TANGO6: variants seen among roughly 807,000 people sequenced by gnomAD.
The protein encoded by TANGO6 is transport and golgi organization 6 homolog.
A neutral mutation model predicts 114.2 loss-of-function variants in TANGO6; 90 were observed. That is an observed-to-expected ratio of 0.79 (90% CI 0.66 to 0.94). The LOEUF (loss-of-function observed/expected upper bound fraction) is 0.94. Among genes scored for constraint, TANGO6 ranks in the 40% least tolerant of loss-of-function variants. TANGO6 has a pLI of 0.00. For missense variants in TANGO6, 1,274 were observed against 1,315.3 expected, an observed-to-expected ratio of 0.97 and a Z score of 0.49; for synonymous variants, 477 against 509.8, an observed-to-expected ratio of 0.94 and a Z score of 0.87.
At chr16:68,874,297 G>A (rs1030707199) in intron 4 of TANGO6, among the ~76,000 whole-genome samples, 1 of 152,168 alleles carries the variant, frequency 6.6e-6, no homozygotes, top group African/African-American at 2.4e-5. Context: ...CATTTGGGCT[G>A]CTATTGTTAT....
rs533664293 is a variant in TANGO6, at chr16:68,987,461, T to C, written c.2842+13293T>C. Among the ~76,000 whole-genome samples, 310 of 152,254 alleles carry C rather than the reference T, an allele frequency of 2.0e-3. 2 individuals are homozygous for C. The highest frequency in any genetic ancestry group is 2.8e-3 in the Non-Finnish European group (192 of 68,020). On this transcript the variant is annotated intron_variant, in intron 15 of 17. Transcript: ENST00000261778. ...TCGGCTCACTGCAGCCTCTGCCTCC[T>C]GGATTCAAGCAATTCTCATGCCTCA...
chr16:69,051,611 A>T (rs941512616), intron 17 of TANGO6, among the ~76,000 whole-genome samples: 1 of 152,222 alleles, frequency 6.6e-6, no homozygotes, highest in Non-Finnish European at 1.5e-5. Flanking sequence ...TGAGGTCAGG[A>T]GGCAGAGGTT....
intron 17 of TANGO6, among the ~76,000 whole-genome samples, chr16:69,067,069 T>C (rs1960223528): frequency 6.6e-6 from 1 of 152,104 alleles, no homozygotes. Context: ...ACTAATTCTA[T>C]TATTTCTTGT....
At chr16:69,082,914 G>A (rs1457763462) in intron 17 of TANGO6, among the ~76,000 whole-genome samples, 1 of 151,990 alleles carries the variant, frequency 6.6e-6, no homozygotes, top group Non-Finnish European at 1.5e-5. Context: ...GCCATGCTTT[G>A]GGACTGAATA....
intron 15 of TANGO6, among the ~76,000 whole-genome samples, chr16:68,991,778 T>C (rs1053914368): frequency 5.3e-5 from 8 of 152,094 alleles, no homozygotes; most frequent in Non-Finnish European, 7.4e-5. Context: ...TGAGCCAAGA[T>C]CGTGCCACTG....
intron 1 of TANGO6, among the ~76,000 whole-genome samples, chr16:68,855,936 T>G (rs1319024663): frequency 6.6e-6 from 1 of 152,024 alleles, no homozygotes; most frequent in Non-Finnish European, 1.5e-5. Flanking sequence ...AAATATAAAA[T>G]AAAATGTCTT....
intron 3 of TANGO6, among the ~76,000 whole-genome samples, chr16:68,863,849 G>C (rs1204170101): frequency 6.6e-6 from 1 of 152,036 alleles, no homozygotes; most frequent in Non-Finnish European, 1.5e-5. Flanking sequence ...TTCTGCTAGG[G>C]ATAAGATAGT....
rs115929138 is a variant in TANGO6, at chr16:68,967,223, C to T, written c.2702-6805C>T. ...CATGGACGGGACGGTGTTGGGAGGG[C>T]GGGGATGGTTTCAGGATGAAACTGT... On this transcript the variant is annotated intron_variant, in intron 14 of 17. Coordinates refer to ENST00000261778, the MANE Select transcript of TANGO6 (RefSeq NM_024562.2). Among the ~76,000 whole-genome samples, 477 of 152,182 alleles carry T rather than the reference C, an allele frequency of 3.1e-3. 3 individuals carry two copies. The highest frequency in any genetic ancestry group is 0.011 in the African/African-American group (460 of 41,532).
chr16:69,009,104 G>A (rs574690492), intron 15 of TANGO6, among the ~76,000 whole-genome samples: 217 of 118,544 alleles, frequency 1.8e-3, no homozygotes, highest in Non-Finnish European at 2.9e-3. Flanking sequence ...TTTTTGAGAC[G>A]GAGTCTTGCT....
chr16:68,937,438 A>G (rs997385452), intron 14 of TANGO6: 4 of 152,186 alleles, frequency 2.6e-5, no homozygotes, highest in Non-Finnish European at 5.9e-5. Flanking sequence ...CAATTAAAAC[A>G]TGCAAGTCAG....
intron 1 of TANGO6, among the ~76,000 whole-genome samples, chr16:68,849,297 ACACTC>A (rs1961864623): frequency 6.6e-6 from 1 of 152,092 alleles, no homozygotes; most frequent in African/African-American, 2.4e-5. Flanking sequence ...CTGTGCAACT[ACACTC>A]CAGCCTGGGC....
At chr16:69,040,558 G>T in intron 17 of TANGO6, 137 bp downstream of exon 17, 1 of 715,596 alleles carries the variant, frequency 1.4e-6, no homozygotes, top group Non-Finnish European at 2.3e-6. Flanking sequence ...CAGGGATTTT[G>T]TAGCAGGAAA....
At chr16:69,013,931 T>G (rs1412950355) in intron 15 of TANGO6, among the ~76,000 whole-genome samples, 1 of 152,166 alleles carries the variant, frequency 6.6e-6, no homozygotes, top group African/African-American at 2.4e-5. Flanking sequence ...GTGCTAGGAT[T>G]ACAGACGTGA....
intron 12 of TANGO6, among the ~76,000 whole-genome samples, chr16:68,926,342 A>C (rs1477230574): frequency 6.6e-6 from 1 of 151,520 alleles, no homozygotes; most frequent in East Asian, 2.0e-4. Context: ...AAACTATAAA[A>C]AATTAGCCAG....
At chr16:68,950,788 G>A (rs1963464479) in intron 14 of TANGO6, among the ~76,000 whole-genome samples, 1 of 152,132 alleles carries the variant, frequency 6.6e-6, no homozygotes, top group Non-Finnish European at 1.5e-5. Context: ...GAGCCTGGGA[G>A]GCGGAGGTTG....
At chr16:68,846,314 G>T (rs753583787) in intron 1 of TANGO6, among the ~76,000 whole-genome samples, 21 of 151,988 alleles carry the variant, frequency 1.4e-4, no homozygotes, top group Non-Finnish European at 2.5e-4. Flanking sequence ...TTACAGGCGC[G>T]AGCCACCATG....
intron 15 of TANGO6, among the ~76,000 whole-genome samples, chr16:69,008,271 A>G (rs1597055959): frequency 6.6e-6 from 1 of 152,190 alleles, no homozygotes; most frequent in Non-Finnish European, 1.5e-5. Flanking sequence ...TGATGGTGAC[A>G]TTTGAAGCAC....
chr16:69,000,602 T>A (rs549783855), intron 15 of TANGO6, among the ~76,000 whole-genome samples: 1 of 151,850 alleles, frequency 6.6e-6, no homozygotes, highest in Non-Finnish European at 1.5e-5. Flanking sequence ...TTTTTTTTTC[T>A]TTTTTTTGAG....
intron 9 of TANGO6, 144 bp from the exon 10 acceptor site, chr16:68,907,296 CAAT>C: frequency 1.0e-6 from 1 of 981,514 alleles, no homozygotes; most frequent in Non-Finnish European, 1.4e-6. Context: ...AATGGAGAAA[CAAT>C]AAAATAAGTT....
Sources: gnomAD v4.1 joint callset for allele counts (sites outside exome capture counted in the v4.1 genomes callset) on GRCh38, gnomAD v4.1.1 for gene constraint, MANE v1.5 for transcripts, NCBI Gene and HGNC (gene_info 2026-07-23, HGNC 2026-07-21) for gene names.